TENM3: variants seen among roughly 807,000 people sequenced by gnomAD.
TENM3 encodes the protein teneurin-3.
TENM3 carries 63 observed loss-of-function variants against 255.1 expected under a neutral mutation model. The observed-to-expected ratio is 0.25, with a 90% CI of 0.20 to 0.30. The LOEUF is 0.30. Ranked by LOEUF, TENM3 falls within the 10% of genes least tolerant of loss-of-function variation. The probability of loss-of-function intolerance (pLI) is 1.00; values close to 1 mark genes in which losing one functional copy is unlikely to be tolerated. For synonymous variants in TENM3, 1,306 were observed against 1,322.3 expected, an observed-to-expected ratio of 0.99 and a Z score of 0.27; for missense variants, 2,929 against 3,461.1, an observed-to-expected ratio of 0.85 and a Z score of 3.86.
At chr4:182,270,330 T>C (rs1418206049) in intron 1 of TENM3, among the ~76,000 whole-genome samples, 4 of 152,182 alleles carry the variant, frequency 2.6e-5, no homozygotes, top group Non-Finnish European at 5.9e-5. Flanking sequence ...CAAAGAAATA[T>C]ATTTGGGGGT....
At chr4:181,718,114 T>C in the TENM3 span, among the ~76,000 whole-genome samples, 1 of 152,210 alleles carries the variant, frequency 6.6e-6, no homozygotes, top group African/African-American at 2.4e-5. Flanking sequence ...TGGCAAAATA[T>C]TACATTCAGT....
chr4:182,731,539 C>G (rs994801185), intron 16 of TENM3, among the ~76,000 whole-genome samples: 1 of 151,080 alleles, frequency 6.6e-6, no homozygotes, highest in Non-Finnish European at 1.5e-5. Flanking sequence ...ACCAAAAAAA[C>G]CCACGGATTA....
At chr4:182,139,883 A>G (rs554398780), upstream of TENM3, among the ~76,000 whole-genome samples, 36 of 152,348 alleles carry the variant, frequency 2.4e-4, no homozygotes, top group African/African-American at 8.7e-4. Context: ...CATGGTCCCA[A>G]TTAAAGGTTG....
chr4:182,603,784 T>TATATATATATATACAC lies in TENM3; in HGVS notation c.749+2624_749+2625insTATATATATATACACA, dbSNP rs58332965. ...AATTATTTATATATATATATATATA[T>TATATATATATATACAC]ACACACACACACCGATTTTGCTAAT... On this transcript the variant is annotated intron_variant, in intron 4 of 27. Transcript: ENST00000511685. 7.1e-4 allele frequency among the ~76,000 whole-genome samples: 95 copies of TATATATATATATACAC among 134,210 alleles called. 2 individuals are homozygous for TATATATATATATACAC. Among genetic ancestry groups the TATATATATATATACAC allele is most frequent in the African/African-American group, 2.5e-3 (90 of 36,468 alleles). 88.0% of individuals were successfully genotyped at this position (134,210 alleles called of 152,430 possible).
chr4:182,346,538 C>A (rs1192021831), intron 2 of TENM3, 113 bp from the exon 3 acceptor site: 2 of 1,002,796 alleles, frequency 2.0e-6, no homozygotes, highest in Non-Finnish European at 2.9e-6. Flanking sequence ...CGCTGAAAAG[C>A]CTAAATGTTT....
chr4:181,479,250 A>G, the TENM3 span, among the ~76,000 whole-genome samples: 1 of 152,208 alleles, frequency 6.6e-6, no homozygotes, highest in Non-Finnish European at 1.5e-5. Flanking sequence ...TAATTGGAAT[A>G]GTAGATAGTA....
At chr4:182,350,100 T>C (rs4862039) in intron 3 of TENM3, 125,374 of 156,460 alleles carry the variant, frequency 0.8, 50,590 homozygotes, top group African/African-American at 0.88. Context: ...CTAGCTACAA[T>C]TTCAAAGAAG....
At chr4:181,737,671 C>T in the TENM3 span, among the ~76,000 whole-genome samples, 11 of 151,798 alleles carry the variant, frequency 7.2e-5, 1 homozygote, top group Admixed American at 7.2e-4. Flanking sequence ...TTAAGGATTC[C>T]TTGGAAAACA....
At position 182,230,812 on chromosome 4, in the gene TENM3, C is replaced by CTATATATATATA. The variant is rs55642239; in HGVS notation, c.-76+86092_-76+86103dup. 9.6e-4 allele frequency among the ~76,000 whole-genome samples: 56 copies of CTATATATATATA among 58,044 alleles called. 1 individual carries two copies. The highest frequency in any genetic ancestry group is 1.6e-3 in the Admixed American group (7 of 4,292). 38.1% of individuals were successfully genotyped at this position (58,044 alleles called of 152,430 possible). A position where few individuals can be genotyped will look rare whatever the true frequency, so the allele number is the denominator to read the frequency against. ...GCTATATTAAATACAGTTTCTCAAA[C>CTATATATATATA]TATATATATATATATATATATATAT... On this transcript the variant is annotated intron_variant, in intron 1 of 2. Coordinates refer to the TENM3 transcript ENST00000512480.
At chr4:182,728,263 C>T (rs755884175) in intron 13 of TENM3, among the ~76,000 whole-genome samples, 2 of 152,166 alleles carry the variant, frequency 1.3e-5, no homozygotes, top group East Asian at 1.9e-4. Flanking sequence ...TTTAGAGCTT[C>T]GTCCTACATA....
chr4:182,205,292 A>G (rs1052214891), intron 1 of TENM3, among the ~76,000 whole-genome samples: 5 of 152,238 alleles, frequency 3.3e-5, no homozygotes, highest in Non-Finnish European at 7.3e-5. Context: ...GACGTAAGCT[A>G]AATGCTTCTT....
rs557964930 is a variant in TENM3, at chr4:182,444,771, G to A, written c.511+97842G>A. Among the ~76,000 whole-genome samples, 9 of 152,132 alleles carry A rather than the reference G, an allele frequency of 5.9e-5. No individual in the cohort carries two copies. The South Asian group carries it at 1.7e-3, about 28-fold the overall frequency. On this transcript the variant is annotated intron_variant, in intron 3 of 27. Transcript: ENST00000511685. ...TTATCCTGATAAATTTTATTTAAAC[G>A]GTGAACTACACTCCTAACAACCAGC...
the TENM3 span, among the ~76,000 whole-genome samples, chr4:181,494,574 C>T: frequency 6.6e-6 from 1 of 150,668 alleles, no homozygotes; most frequent in Non-Finnish European, 1.5e-5. Flanking sequence ...GCATGAGCCA[C>T]CGCACCCGGC....
intron 3 of TENM3, among the ~76,000 whole-genome samples, chr4:182,490,925 G>T (rs1187123563): frequency 1.3e-5 from 2 of 152,142 alleles, no homozygotes; most frequent in East Asian, 3.9e-4. Flanking sequence ...TCCCAGGATA[G>T]GGCACATAGT....
intron 3 of TENM3, among the ~76,000 whole-genome samples, chr4:182,544,733 A>G (rs1416382272): frequency 6.6e-6 from 1 of 152,184 alleles, no homozygotes; most frequent in Admixed American, 6.5e-5. Flanking sequence ...AAAGAAGGAG[A>G]CATTCATTTA....
At chr4:182,229,707 G>A (rs1212401722) in intron 1 of TENM3, among the ~76,000 whole-genome samples, 1 of 151,570 alleles carries the variant, frequency 6.6e-6, no homozygotes. Flanking sequence ...GACTTTGTAA[G>A]AAGATCAAAC....
the TENM3 span, among the ~76,000 whole-genome samples, chr4:181,698,698 A>G: frequency 6.6e-6 from 1 of 152,200 alleles, no homozygotes; most frequent in East Asian, 1.9e-4. Context: ...TTGGCAAATC[A>G]CCTAACTTCG....
intron 16 of TENM3, among the ~76,000 whole-genome samples, chr4:182,734,149 A>T (rs1029801017): frequency 7.2e-5 from 11 of 152,232 alleles, no homozygotes; most frequent in African/African-American, 2.7e-4. Context: ...TCAATTCCTA[A>T]GTAAGCCAAA....
At chr4:182,551,855 C>A (rs887415283) in intron 3 of TENM3, among the ~76,000 whole-genome samples, 6 of 151,588 alleles carry the variant, frequency 4.0e-5, no homozygotes, top group African/African-American at 1.5e-4. Flanking sequence ...ACCCCCATCC[C>A]TACAAAAAAT....
Sources: allele counts gnomAD v4.1 joint callset (sites outside exome capture counted in the v4.1 genomes callset), GRCh38; gene constraint gnomAD v4.1.1; transcripts MANE v1.5; gene names NCBI Gene and HGNC (gene_info 2026-07-23, HGNC 2026-07-21).